NRXN3: variants seen among roughly 807,000 people sequenced by gnomAD.
The protein encoded by NRXN3 is neurexin 3.
In NRXN3, 32 loss-of-function variants were observed where a neutral mutation model predicts 137.6. The ratio of observed to expected loss-of-function variants is 0.23; its 90% CI spans 0.18 to 0.31. NRXN3 has a LOEUF of 0.31. Among genes scored for constraint, NRXN3 ranks in the 10% least tolerant of loss-of-function variants. The pLI, the probability that NRXN3 is intolerant of heterozygous loss-of-function variation, is 1.00. For missense variants in NRXN3, 1,574 were observed against 2,062.5 expected (o/e 0.76, Z 4.59); for synonymous variants, 798 against 784.5 (o/e 1.02, Z -0.29).
intron 15 of NRXN3, among the ~76,000 whole-genome samples, chr14:79,162,726 T>C (rs1250402529): frequency 6.6e-6 from 1 of 151,778 alleles, no homozygotes; most frequent in Admixed American, 6.6e-5. Context: ...TGTGGAGAAA[T>C]AGTTTACTTA....
At chr14:78,781,828 T>A (rs546951287) in intron 8 of NRXN3, among the ~76,000 whole-genome samples, 1 of 152,224 alleles carries the variant, frequency 6.6e-6, no homozygotes, top group African/African-American at 2.4e-5. Context: ...CTGAAGGCAA[T>A]AGTTAGCAGG....
chr14:78,483,492 C>T (rs2095506661), intron 4 of NRXN3, among the ~76,000 whole-genome samples: 1 of 152,194 alleles, frequency 6.6e-6, no homozygotes, highest in African/African-American at 2.4e-5. Context: ...AAATCAACTA[C>T]TAATAATCCT....
At chr14:79,579,783 A>T (rs929120919) in intron 16 of NRXN3, among the ~76,000 whole-genome samples, 1 of 152,164 alleles carries the variant, frequency 6.6e-6, no homozygotes, top group African/African-American at 2.4e-5. Context: ...TATCACTTCT[A>T]TGTGTAGGTA....
chr14:78,217,455 G>A (rs1237919469), intron 1 of NRXN3, among the ~76,000 whole-genome samples: 1 of 152,074 alleles, frequency 6.6e-6, no homozygotes, highest in Non-Finnish European at 1.5e-5. Flanking sequence ...AGCAATGCAA[G>A]GAGAGCCTGC....
At chr14:79,836,890 G>T (rs976247123) in intron 20 of NRXN3, among the ~76,000 whole-genome samples, 1 of 152,004 alleles carries the variant, frequency 6.6e-6, no homozygotes, top group Non-Finnish European at 1.5e-5. Context: ...ATTTTCATAC[G>T]GGACCCTCAC....
chr14:78,732,948 A>C (rs1008523531), intron 8 of NRXN3, among the ~76,000 whole-genome samples: 6 of 152,130 alleles, frequency 3.9e-5, no homozygotes, highest in Non-Finnish European at 7.4e-5. Context: ...AAATTTGCTC[A>C]AGTCTGGGAT....
chr14:79,622,864 G>A (rs1319726943), intron 16 of NRXN3, among the ~76,000 whole-genome samples: 2 of 152,244 alleles, frequency 1.3e-5, no homozygotes, highest in Non-Finnish European at 2.9e-5. Flanking sequence ...CCAAAGTGCT[G>A]GGATTACAGG....
intron 4 of NRXN3, among the ~76,000 whole-genome samples, chr14:78,550,233 G>A (rs2096674117): frequency 6.6e-6 from 1 of 152,140 alleles, no homozygotes; most frequent in African/African-American, 2.4e-5. Context: ...CAGGGATTCA[G>A]CATATTTCCC....
At chr14:78,844,841 T>C (rs1189608458) in intron 10 of NRXN3, among the ~76,000 whole-genome samples, 1 of 152,128 alleles carries the variant, frequency 6.6e-6, no homozygotes, top group East Asian at 1.9e-4. Context: ...TTATATTTAG[T>C]TCACCATTAT....
At chr14:79,032,826 C>T (rs780135363) in intron 15 of NRXN3, among the ~76,000 whole-genome samples, 63 of 152,268 alleles carry the variant, frequency 4.1e-4, no homozygotes, top group Middle Eastern at 3.4e-3. Context: ...TCTTATCTAT[C>T]TCTTTGCCCT....
rs150774625 is a variant in NRXN3 at position 79,092,958 on chromosome 14, C to T, written c.3262+104817C>T. 5.8e-3 allele frequency among the ~76,000 whole-genome samples: 890 copies of T among 152,214 alleles called. 29 individuals are homozygous for T. Among genetic ancestry groups the T allele is most frequent in the Admixed American group, 0.038 (584 of 15,264 alleles). On this transcript the variant is annotated intron_variant, in intron 15 of 20. Transcript: ENST00000335750. ...CTGGGCTTTGCAGATCCTAGAGTTG[C>T]GGGTTATGAGTGTGTCCAGAGAACC...
At chr14:78,347,158 A>G (rs970871581) in intron 4 of NRXN3, among the ~76,000 whole-genome samples, 2 of 152,220 alleles carry the variant, frequency 1.3e-5, no homozygotes, top group Non-Finnish European at 2.9e-5. Flanking sequence ...ACAAATGCGG[A>G]TGCTGGGAGA....
rs552128585 is a variant in NRXN3, at chr14:79,280,952, G to T, written c.3263-186269G>T. ...TGGTCTTGCTTGGGAGCTAGTGGGG[G>T]TGGGGTGGGAATAGCTGACAACAGG... is the stretch of plus-strand genomic sequence containing the variant. On this transcript the variant is annotated intron_variant, in intron 15 of 20. Coordinates refer to ENST00000335750, the MANE Select transcript of NRXN3 (RefSeq NM_001330195.2). 7 of 175,870 alleles carry T rather than the reference G, an allele frequency of 4.0e-5. No homozygotes were observed. In the South Asian group the frequency reaches 5.5e-4, roughly 14 times the overall value. The allele number at this position is 175,870 out of a possible 1,614,324, so 10.9% of individuals were successfully genotyped here.
At chr14:78,375,222 A>G (rs990694) in intron 4 of NRXN3, among the ~76,000 whole-genome samples, 2,972 of 152,292 alleles carry the variant, frequency 0.02, 78 homozygotes, top group African/African-American at 0.063. Context: ...AAGTGTTTCT[A>G]TTTATTAGAA....
chr14:79,128,649 G>A (rs1037478795), intron 15 of NRXN3, among the ~76,000 whole-genome samples: 6 of 152,256 alleles, frequency 3.9e-5, no homozygotes, highest in African/African-American at 1.4e-4. Context: ...TTTTTTGATT[G>A]TGTCTCTGCT....
chr14:78,330,704 A>G (rs1160483466), intron 4 of NRXN3, among the ~76,000 whole-genome samples: 2 of 152,152 alleles, frequency 1.3e-5, no homozygotes, highest in Admixed American at 6.5e-5. Context: ...TCCACTTTGT[A>G]GGAAGGTTCT....
chr14:79,047,949 A>G (rs1285608198), intron 15 of NRXN3, among the ~76,000 whole-genome samples: 1 of 152,208 alleles, frequency 6.6e-6, no homozygotes, highest in Non-Finnish European at 1.5e-5. Flanking sequence ...AGAAATGGAA[A>G]CATATATACA....
rs200942003 is a variant in NRXN3 at position 78,601,257 on chromosome 14, TA to T, written c.758-43854del. On this transcript the variant is annotated intron_variant, in intron 4 of 20. Transcript: ENST00000335750. Reference sequence around the variant, plus strand: ...GTGACTATAACAAAAACTTTTGGCTTAAAAAAAAATCCATTTGCAATGACTT... The same window carrying T: ...GTGACTATAACAAAAACTTTTGGCTTAAAAAAAATCCATTTGCAATGACTT... 4.3e-3 allele frequency among the ~76,000 whole-genome samples: 650 copies of T among 151,772 alleles called. 2 individuals carry two copies. Among genetic ancestry groups the T allele is most frequent in the East Asian group, 7.5e-3 (39 of 5,176 alleles).
intron 4 of NRXN3, among the ~76,000 whole-genome samples, chr14:78,639,997 G>T (rs2097605730): frequency 6.6e-6 from 1 of 152,176 alleles, no homozygotes; most frequent in South Asian, 2.1e-4. Context: ...TGTCTGACAT[G>T]TTTTCATTTT....
Sources: allele counts gnomAD v4.1 joint callset (sites outside exome capture counted in the v4.1 genomes callset), GRCh38; gene constraint gnomAD v4.1.1; transcripts MANE v1.5; gene names NCBI Gene and HGNC (gene_info 2026-07-23, HGNC 2026-07-21).